The following NCOR2 variants were observed in gnomAD, a reference collection of about 807,000 sequenced individuals.
The protein encoded by NCOR2 is CTG repeat protein 26.
NCOR2 carries 81 observed loss-of-function variants against 262.9 expected under a neutral mutation model. The ratio of observed to expected loss-of-function variants is 0.31; its 90% CI spans 0.26 to 0.37. The LOEUF is 0.37. Ranked by LOEUF, NCOR2 falls within the 10% of genes least tolerant of loss-of-function variation. The probability of loss-of-function intolerance (pLI) is 1.00; values close to 1 mark genes in which losing one functional copy is unlikely to be tolerated. For missense variants in NCOR2, 3,385 were observed against 3,621.4 expected (o/e 0.93, Z 1.68); for synonymous variants, 1,659 against 1,559.3 (o/e 1.06, Z -1.51).
intron 13 of NCOR2, among the ~76,000 whole-genome samples, chr12:124,409,903 T>C (rs1203385396): frequency 1.3e-5 from 2 of 151,972 alleles, no homozygotes; most frequent in Admixed American, 1.3e-4. Flanking sequence ...GGTCTTGAAC[T>C]CCTGGGCTCA....
chr12:124,426,733 CGCT>C, exon 11 of NCOR2: 1 of 1,610,488 alleles, frequency 6.2e-7, no homozygotes, highest in Non-Finnish European at 8.5e-7. Flanking sequence ...GAACTTGATG[CGCT>C]GCTGGTCAGC....
rs914964857 is a variant in NCOR2, at chr12:124,531,436, G to C, written c.-118+4129C>G. ...ACTGTCAGCCTCCTCCTCTCAGCCC[G>C]CCATCACAGGCACCATTAATTGCTG... On this transcript the variant is annotated intron_variant, in intron 1 of 46. Transcript: ENST00000404621. This position sits in a 1 kb window ranked among gnomAD's most constrained non-coding sequence, Gnocchi z 4.5. 6.6e-6 allele frequency among the ~76,000 whole-genome samples: 1 copy of C among 152,118 alleles called. No individual in the cohort carries two copies. Among genetic ancestry groups the C allele is most frequent in the Non-Finnish European group, 1.5e-5 (1 of 68,018 alleles).
intron 1 of NCOR2, among the ~76,000 whole-genome samples, chr12:124,544,168 C>T (rs547715342): frequency 2.0e-5 from 3 of 152,162 alleles, no homozygotes; most frequent in Non-Finnish European, 4.4e-5. Flanking sequence ...ATGGAAGCTT[C>T]GGGAAACCTC....
In NCOR2 at chr12:124,517,408, T is replaced by C. The variant is rs2049878649; in HGVS notation, c.-118+18157A>G. 6.6e-6 allele frequency among the ~76,000 whole-genome samples: 1 copy of C among 152,166 alleles called. No homozygotes were observed. Among genetic ancestry groups the C allele is most frequent in the Non-Finnish European group, 1.5e-5 (1 of 68,018 alleles). Reference sequence around the variant, plus strand: ...TGTGAGCTCGGGAAGCCCTTCCAACTTTCCAGTGTTTATCCCGGCTCCTCG... The same window carrying C: ...TGTGAGCTCGGGAAGCCCTTCCAACCTTCCAGTGTTTATCCCGGCTCCTCG... On this transcript the variant is annotated intron_variant, in intron 1 of 46. Transcript: ENST00000404621. This position sits in a 1 kb window ranked among gnomAD's most constrained non-coding sequence, Gnocchi z 7.6.
At position 124,347,812 on chromosome 12, in the gene NCOR2, A is replaced by G. The variant is rs2135867530; in HGVS notation, c.4072+13T>C. The G allele has an allele frequency of 6.4e-7, 1 of 1,557,540 alleles. No homozygotes were observed. The highest frequency in any genetic ancestry group is 2.4e-5 in the East Asian group (1 of 41,552). On this transcript the variant is annotated intron_variant, in intron 30 of 46. Coordinates refer to ENST00000405201, the Ensembl canonical transcript of NCOR2. Reference sequence around the variant, plus strand: ...CGTTGGGGGCAACGAGGGAGCAGGGAACAGGGCAGTACCTTGTGTGATGGA... The same window carrying G: ...CGTTGGGGGCAACGAGGGAGCAGGGGACAGGGCAGTACCTTGTGTGATGGA...
In NCOR2 at chr12:124,371,273, G is replaced by A. The variant is rs1454425231; in HGVS notation, c.2807+749C>T. On this transcript the variant is annotated intron_variant, in intron 20 of 46. Coordinates refer to ENST00000405201, the Ensembl canonical transcript of NCOR2. ...ACCCTTTGGCACCTGAATCCACCAAGCTCATTCCCACCTCGGGCCTTCGCA... is the reference window on the plus strand; with the variant it reads ...ACCCTTTGGCACCTGAATCCACCAAACTCATTCCCACCTCGGGCCTTCGCA... Among the ~76,000 whole-genome samples, 2 of 143,378 alleles carry A rather than the reference G, an allele frequency of 1.4e-5. 1 individual carries two copies. The highest frequency in any genetic ancestry group is 5.3e-5 in the African/African-American group (2 of 37,814). The allele number at this position is 143,378 out of a possible 152,430, so 94.1% of individuals were successfully genotyped here.
chr12:124,534,939 T>C (rs529450484), intron 1 of NCOR2, among the ~76,000 whole-genome samples: 1 of 152,346 alleles, frequency 6.6e-6, no homozygotes, highest in South Asian at 2.1e-4. Context: ...CTGCTCTCTA[T>C]GAGCATTAAT....
intron 10 of NCOR2, 149 bp downstream of exon 12, chr12:124,429,464 T>C: frequency 1.3e-6 from 1 of 783,906 alleles, no homozygotes; most frequent in Admixed American, 2.2e-5. Context: ...GACGGGTACC[T>C]CAATACCCAC....
rs150206581 is a variant in NCOR2 at position 124,368,490 on chromosome 12, C to T, written c.2807+3532G>A. Among the ~76,000 whole-genome samples, 1,193 of 152,256 alleles carry T rather than the reference C, an allele frequency of 7.8e-3. 17 individuals are homozygous for T. The highest frequency in any genetic ancestry group is 0.024 in the African/African-American group (1,014 of 41,534). ...GCCTCTCCAAGGCCCCAAGATAAAA[C>T]CCTGACCCGTCACTTCCACCCGTGG... is the stretch of plus-strand genomic sequence containing the variant. On this transcript the variant is annotated intron_variant, in intron 20 of 46. Coordinates refer to ENST00000405201, the Ensembl canonical transcript of NCOR2.
At chr12:124,527,907 G>A (rs960241235) in intron 1 of NCOR2, among the ~76,000 whole-genome samples, 12 of 152,328 alleles carry the variant, frequency 7.9e-5, no homozygotes, top group Admixed American at 2.0e-4. Flanking sequence ...ATCTGCCCCC[G>A]TCCGTGTCCT....
intron 7 of NCOR2, among the ~76,000 whole-genome samples, chr12:124,445,894 A>G (rs1218576976): frequency 6.6e-6 from 1 of 152,224 alleles, no homozygotes; most frequent in Non-Finnish European, 1.5e-5. Context: ...GTACGTGCTG[A>G]GCACTGACCT....
chr12:124,408,944 G>A (rs1039465228), intron 13 of NCOR2, among the ~76,000 whole-genome samples: 1 of 152,168 alleles, frequency 6.6e-6, no homozygotes, highest in Admixed American at 6.5e-5. Flanking sequence ...CCAGTTCCAA[G>A]TCAGCGGCAG....
intron 28 of NCOR2, among the ~76,000 whole-genome samples, chr12:124,349,548 G>T (rs983666598): frequency 1.3e-5 from 2 of 152,150 alleles, no homozygotes; most frequent in African/African-American, 4.8e-5. Context: ...AGTGGACGGC[G>T]TGAGCAGGCA....
intron 13 of NCOR2, among the ~76,000 whole-genome samples, chr12:124,403,157 C>T (rs894006162): frequency 1.2e-4 from 18 of 152,140 alleles, no homozygotes; most frequent in Admixed American, 6.5e-5. Context: ...CTCTAAGCCT[C>T]GGTCTCCGAG....
Position 124,354,036 on chromosome 12 carries a change from T to C in NCOR2, c.3693+57A>G, listed in dbSNP as rs1027346251. ...TTGGTGACAATGAGGGGTTATAAGA[T>C]GGGCTGGCCCCGTGCTGGTCCCAAC... On this transcript the variant is annotated intron_variant, in intron 27 of 46. Transcript: ENST00000405201. 26 of 1,480,628 alleles carry C rather than the reference T, an allele frequency of 1.8e-5. No individual in the cohort carries two copies. In the African/African-American group the frequency reaches 3.3e-4, roughly 19 times the overall value. The allele number at this position is 1,480,628 out of a possible 1,614,324, so 91.7% of individuals were successfully genotyped here. A position where few individuals can be genotyped will look rare whatever the true frequency, so the allele number is the denominator to read the frequency against.
chr12:124,486,370 C>A, intron 2 of NCOR2, 71 bp downstream of exon 4: 1 of 1,571,562 alleles, frequency 6.4e-7, no homozygotes, highest in South Asian at 1.2e-5. Context: ...TGCTCTGCCA[C>A]GGGCCTCTGC....
intron 27 of NCOR2, among the ~76,000 whole-genome samples, chr12:124,353,823 C>T (rs1351779415): frequency 1.3e-5 from 2 of 152,244 alleles, no homozygotes; most frequent in African/African-American, 4.8e-5. Flanking sequence ...TTCTGCCTGC[C>T]TGCTCGGTTT....
chr12:124,443,416 C>T lies in NCOR2; in HGVS notation c.816-5420G>A, dbSNP rs539878117. On this transcript the variant is annotated intron_variant, in intron 7 of 46. Coordinates refer to ENST00000405201, the Ensembl canonical transcript of NCOR2. The surrounding 1 kb of genome is among the most constrained non-coding windows in gnomAD (Gnocchi z 4.4). ...CAAGTCTGCAAACACATGTCAAGTC[C>T]GCAGGGTGCAAACTGCACAGTGCAC... Among the ~76,000 whole-genome samples, 47 of 152,310 alleles carry T rather than the reference C, an allele frequency of 3.1e-4. 1 individual carries two copies. Among genetic ancestry groups the T allele is most frequent in the Admixed American group, 2.7e-3 (42 of 15,298 alleles).
intron 28 of NCOR2, among the ~76,000 whole-genome samples, chr12:124,350,192 C>T (rs907894615): frequency 3.9e-5 from 6 of 152,266 alleles, no homozygotes; most frequent in East Asian, 3.9e-4. Flanking sequence ...ATGGGGGCTC[C>T]GCAGCAAGAG....
Sources: gnomAD v4.1 joint callset for allele counts (sites outside exome capture counted in the v4.1 genomes callset) on GRCh38, gnomAD v4.1.1 for gene constraint, Gnocchi (gnomAD v3.1) non-coding constraint, MANE v1.5 for transcripts, NCBI Gene and HGNC (gene_info 2026-07-23, HGNC 2026-07-21) for gene names.